RECK: variants seen among roughly 807,000 people sequenced by gnomAD.
The protein encoded by RECK is reversion inducing cysteine rich protein with kazal motifs.
In RECK, 69 loss-of-function variants were observed where a neutral mutation model predicts 115.1. The observed-to-expected ratio is 0.60, with a 90% confidence interval of 0.49 to 0.73. The LOEUF is 0.73. Among genes scored for constraint, RECK ranks in the 30% least tolerant of loss-of-function variants. The pLI is 0.00. For synonymous variants in RECK, 414 were observed against 419.7 expected (o/e 0.99, Z 0.17); for missense variants, 1,047 against 1,203.7 (o/e 0.87, Z 1.93).
chr9:36,120,817 C>T, intron 19 of RECK, 81 bp downstream of exon 19: 2 of 967,496 alleles, frequency 2.1e-6, no homozygotes, highest in Non-Finnish European at 3.3e-6. Context: ...ATGTGTTGTC[C>T]TCATTCATAG....
chr9:36,074,529 G>C (rs552733378), intron 6 of RECK, among the ~76,000 whole-genome samples: 1 of 152,170 alleles, frequency 6.6e-6, no homozygotes, highest in Non-Finnish European at 1.5e-5. Flanking sequence ...TAGGGAAATG[G>C]GGAAGTCTTT....
chr9:36,088,026 C>A, intron 9 of RECK, 65 bp downstream of exon 9: 1 of 1,235,118 alleles, frequency 8.1e-7, no homozygotes, highest in Non-Finnish European at 1.2e-6. Context: ...TGATTTTAAG[C>A]CTAGCAAACG....
At chr9:36,037,856 C>T (rs1234831876) in intron 1 of RECK, among the ~76,000 whole-genome samples, 2 of 151,894 alleles carry the variant, frequency 1.3e-5, no homozygotes. Context: ...TGTATGAGTG[C>T]ACAGAGGGAG....
intron 4 of RECK, among the ~76,000 whole-genome samples, chr9:36,062,384 C>G (rs1384973846): frequency 6.6e-6 from 1 of 152,144 alleles, no homozygotes; most frequent in Admixed American, 6.5e-5. Context: ...TGATCTTGAA[C>G]TCCTGACTTC....
intron 6 of RECK, among the ~76,000 whole-genome samples, chr9:36,077,601 TA>T (rs1822501685): frequency 6.6e-6 from 1 of 151,934 alleles, no homozygotes; most frequent in Admixed American, 6.5e-5. Context: ...GTATTAACAC[TA>T]AAGTGTTAGT....
intron 8 of RECK, among the ~76,000 whole-genome samples, chr9:36,084,797 G>A (rs1308432762): frequency 6.6e-6 from 1 of 152,158 alleles, no homozygotes; most frequent in African/African-American, 2.4e-5. Context: ...ACTCACACCT[G>A]TAACCTTAGC....
intron 4 of RECK, among the ~76,000 whole-genome samples, chr9:36,061,599 C>T (rs1405112780): frequency 2.0e-5 from 3 of 152,130 alleles, no homozygotes; most frequent in African/African-American, 7.2e-5. Context: ...TAAGAGGCCA[C>T]TGGATACCTG....
intron 1 of RECK, among the ~76,000 whole-genome samples, chr9:36,050,711 C>A (rs910725877): frequency 9.9e-5 from 15 of 152,094 alleles, no homozygotes; most frequent in African/African-American, 3.6e-4. Context: ...CCTCTCTGAT[C>A]GCATTATGTC....
chr9:36,087,904 C>T lies in RECK; in HGVS notation c.848C>T (p.Thr283Ile). ...PGVTVHPPPS[T>I]GLDGAKLHCC... ...GTCACTGTACACCCTCCTCCCTCTA[C>T]AGGCCTCGATGGGGCTAAATTGCAT... Residue 283 changes from threonine to isoleucine, a missense_variant, in exon 9 of 21, where the codon ACA becomes ATA. Coordinates refer to ENST00000377966, the MANE Select transcript of RECK (RefSeq NM_021111.3). 1 of 1,613,446 alleles carries T rather than the reference C, an allele frequency of 6.2e-7. No individual in the cohort carries two copies. Among genetic ancestry groups the T allele is most frequent in the Admixed American group, 1.7e-5 (1 of 60,012 alleles).
chr9:36,039,371 A>G (rs1043024501), intron 1 of RECK, among the ~76,000 whole-genome samples: 2 of 152,236 alleles, frequency 1.3e-5, no homozygotes, highest in Non-Finnish European at 2.9e-5. Flanking sequence ...ATTTCAGTGA[A>G]GGCTTTGCTT....
At chr9:36,115,036 C>T (rs959669959) in intron 16 of RECK, among the ~76,000 whole-genome samples, 6 of 151,914 alleles carry the variant, frequency 3.9e-5, no homozygotes, top group African/African-American at 7.2e-5. Context: ...TAATTGTGGC[C>T]GGGCACGGTG....
At chr9:36,076,892 A>C (rs954468436) in intron 6 of RECK, among the ~76,000 whole-genome samples, 71 of 152,202 alleles carry the variant, frequency 4.7e-4, no homozygotes, top group Non-Finnish European at 1.5e-5. Context: ...AACAACCCAG[A>C]CTATTCTCAG....
At chr9:36,091,494 C>A in intron 10 of RECK, 151 bp downstream of exon 10, 1 of 599,984 alleles carries the variant, frequency 1.7e-6, no homozygotes. Flanking sequence ...ATCTGGTAAG[C>A]CACCTCTGGG....
At chr9:36,115,880 T>C (rs1211207538) in intron 16 of RECK, among the ~76,000 whole-genome samples, 2 of 152,176 alleles carry the variant, frequency 1.3e-5, no homozygotes, top group East Asian at 1.9e-4. Context: ...CTTATCTTCT[T>C]ATAGAAAGTT....
intron 1 of RECK, among the ~76,000 whole-genome samples, chr9:36,038,272 C>G (rs77853158): frequency 0.01 from 1,584 of 152,118 alleles, 25 homozygotes; most frequent in Non-Finnish European, 0.014. Flanking sequence ...TGCCACTGCC[C>G]TCGGAAGTGA....
At chr9:36,063,737 A>G (rs1270641850) in intron 4 of RECK, 58 bp from the exon 5 acceptor site, 2 of 1,488,966 alleles carry the variant, frequency 1.3e-6, no homozygotes, top group East Asian at 2.3e-5. Flanking sequence ...AACATCTGGC[A>G]TGCTATCTCT....
At chr9:36,060,217 A>C in intron 4 of RECK, 62 bp downstream of exon 4, 1 of 1,487,686 alleles carries the variant, frequency 6.7e-7, no homozygotes, top group Non-Finnish European at 9.4e-7. Flanking sequence ...TGAATGTAAA[A>C]TTGGTGTCAT....
chr9:36,122,994 C>T lies in RECK; in HGVS notation c.2865C>T (p.Leu955=), dbSNP rs764923525. ...VRARPSCHSL[L]LPLSLGLALH... ...CCAGGCCTTCTTGCCACTCCCTCCT[C>T]CTTCCCCTCAGCTTGGGCCTTGCCT... The change falls in exon 21 of 21, where the codon CTC becomes CTT. Residue 955 remains leucine, a synonymous_variant. Coordinates refer to ENST00000377966, the MANE Select transcript of RECK (RefSeq NM_021111.3). The T allele has an allele frequency of 6.8e-6, 11 of 1,614,138 alleles. No individual in the cohort carries two copies. Among genetic ancestry groups the T allele is most frequent in the East Asian group, 2.2e-5 (1 of 44,868 alleles).
chr9:36,118,008 C>T (rs1327672770), intron 17 of RECK, among the ~76,000 whole-genome samples: 1 of 152,056 alleles, frequency 6.6e-6, no homozygotes, highest in Non-Finnish European at 1.5e-5. Flanking sequence ...AGGACAATTC[C>T]TTTTGAGGCT....
Sources: allele counts gnomAD v4.1 joint callset (sites outside exome capture counted in the v4.1 genomes callset), GRCh38; gene constraint gnomAD v4.1.1; transcripts MANE v1.5; gene names NCBI Gene and HGNC (gene_info 2026-07-23, HGNC 2026-07-21).